L3MBTL4: variants seen among roughly 807,000 people sequenced by gnomAD.
L3MBTL4 encodes lethal(3)malignant brain tumor-like protein 4.
In L3MBTL4, 70 loss-of-function variants were observed where a neutral mutation model predicts 84.5. That is an observed-to-expected ratio of 0.83 (90% CI 0.68 to 1.01). The LOEUF (loss-of-function observed/expected upper bound fraction) is 1.01. Ranked by LOEUF, L3MBTL4 falls within the 50% of genes least tolerant of loss-of-function variation. The pLI is 0.00. For missense variants in L3MBTL4, 715 were observed against 754.8 expected, an observed-to-expected ratio of 0.95 and a Z score of 0.62; for synonymous variants, 274 against 259.8, an observed-to-expected ratio of 1.05 and a Z score of -0.52.
intron 5 of L3MBTL4, among the ~76,000 whole-genome samples, chr18:6,251,906 C>T (rs979222634): frequency 6.6e-6 from 1 of 152,132 alleles, no homozygotes; most frequent in African/African-American, 2.4e-5. Context: ...CACACGACTA[C>T]CAATTTGGAA....
At chr18:5,967,736 C>T (rs1231961424) in intron 17 of L3MBTL4, among the ~76,000 whole-genome samples, 3 of 152,200 alleles carry the variant, frequency 2.0e-5, no homozygotes, top group Non-Finnish European at 2.9e-5. Context: ...GAGCATGGAG[C>T]CCCAGGCTGC....
At chr18:6,183,273 A>G (rs1350971098) in intron 12 of L3MBTL4, among the ~76,000 whole-genome samples, 1 of 152,220 alleles carries the variant, frequency 6.6e-6, no homozygotes. Flanking sequence ...CTTCATAACC[A>G]GTGTAAAGAC....
intron 13 of L3MBTL4, among the ~76,000 whole-genome samples, chr18:6,145,509 G>A (rs1448200204): frequency 1.3e-5 from 2 of 151,336 alleles, no homozygotes; most frequent in African/African-American, 2.4e-5. Flanking sequence ...GAAGAATCAG[G>A]AGCATTCCTA....
chr18:6,290,347 G>A (rs1208146032), intron 4 of L3MBTL4, among the ~76,000 whole-genome samples: 2 of 149,848 alleles, frequency 1.3e-5, no homozygotes, highest in Non-Finnish European at 3.0e-5. Context: ...ATAATTTCCT[G>A]TGTTGCCTTT....
At chr18:6,301,497 G>T (rs1397286245) in intron 4 of L3MBTL4, among the ~76,000 whole-genome samples, 1 of 152,104 alleles carries the variant, frequency 6.6e-6, no homozygotes, top group Non-Finnish European at 1.5e-5. Context: ...TCATTTTAGA[G>T]AAAATGCACA....
At chr18:6,321,312 A>T (rs1464089847) in intron 1 of L3MBTL4, among the ~76,000 whole-genome samples, 1 of 152,228 alleles carries the variant, frequency 6.6e-6, no homozygotes, top group Non-Finnish European at 1.5e-5. Flanking sequence ...ATGGGAGAAG[A>T]TATTTGCAAA....
intron 16 of L3MBTL4, among the ~76,000 whole-genome samples, chr18:5,980,728 G>A (rs766951677): frequency 7.2e-5 from 11 of 152,088 alleles, no homozygotes; most frequent in Admixed American, 2.0e-4. Flanking sequence ...CACAGTGCCC[G>A]GCCTGTGCAC....
intron 1 of L3MBTL4, among the ~76,000 whole-genome samples, chr18:6,332,549 A>C (rs191489295): frequency 1.3e-5 from 2 of 152,346 alleles, no homozygotes; most frequent in East Asian, 3.9e-4. Context: ...AAAACCAAAG[A>C]GATTCAATTC....
intron 1 of L3MBTL4, among the ~76,000 whole-genome samples, chr18:6,374,948 C>G (rs1465665999): frequency 6.6e-6 from 1 of 152,168 alleles, no homozygotes; most frequent in East Asian, 1.9e-4. Context: ...ATTTCAGACA[C>G]AATTCGATAA....
intron 16 of L3MBTL4, among the ~76,000 whole-genome samples, chr18:6,049,831 G>A (rs756973320): frequency 5.9e-5 from 9 of 152,102 alleles, no homozygotes; most frequent in East Asian, 5.8e-4. Context: ...TAATATATCC[G>A]TATAACAAAC....
chr18:6,076,495 T>C (rs532560070), intron 16 of L3MBTL4, among the ~76,000 whole-genome samples: 2 of 152,290 alleles, frequency 1.3e-5, no homozygotes, highest in Admixed American at 1.3e-4. Context: ...ATATGTTTCT[T>C]GATCTTAGTG....
At chr18:6,152,736 A>T (rs989439361) in intron 13 of L3MBTL4, among the ~76,000 whole-genome samples, 36 of 152,292 alleles carry the variant, frequency 2.4e-4, no homozygotes, top group East Asian at 7.7e-4. Flanking sequence ...TTTGCTGTGC[A>T]GAAGCTTTAT....
chr18:6,197,714 C>T (rs879320893), intron 12 of L3MBTL4, among the ~76,000 whole-genome samples: 1 of 152,212 alleles, frequency 6.6e-6, no homozygotes, highest in Non-Finnish European at 1.5e-5. Context: ...GGGCAGCCTT[C>T]GTCTGTGTAG....
chr18:6,067,986 C>A lies in L3MBTL4; in HGVS notation c.1444+12895G>T, dbSNP rs112900054. ...TTTTTTCTTTAATTTCTTCTTTTCC[C>A]TCTTAAGGATCTGACTTTAATGTTT... On this transcript the variant is annotated intron_variant, in intron 16 of 18. Transcript: ENST00000317931. 3.9e-4 allele frequency among the ~76,000 whole-genome samples: 60 copies of A among 152,102 alleles called. 2 individuals are homozygous for A. Among genetic ancestry groups the A allele is most frequent in the African/African-American group, 1.4e-3 (60 of 41,500 alleles).
intron 1 of L3MBTL4, chr18:6,396,408 G>A (rs2055272012): frequency 2.0e-5 from 3 of 152,906 alleles, no homozygotes; most frequent in African/African-American, 7.2e-5. Context: ...GACACCCGGA[G>A]CCTCATCTGC....
At position 6,403,296 on chromosome 18, in the gene L3MBTL4, T is replaced by A. The variant is rs540668934; in HGVS notation, c.-91+11505A>T. 9.8e-5 allele frequency among the ~76,000 whole-genome samples: 15 copies of A among 152,352 alleles called. No homozygotes were observed. The East Asian group carries it at 2.5e-3, about 25-fold the overall frequency. ...AACTCTGTGTATATTAAGTAAAGGC[T>A]TTACTTTGTTTTGTGCAGAACTTTA... On this transcript the variant is annotated intron_variant, in intron 1 of 18. Coordinates refer to ENST00000317931, the MANE Select transcript of L3MBTL4 (RefSeq NM_001330559.2).
At chr18:6,391,653 C>T (rs533674334) in intron 1 of L3MBTL4, among the ~76,000 whole-genome samples, 7 of 151,788 alleles carry the variant, frequency 4.6e-5, no homozygotes, top group Middle Eastern at 3.4e-3. Flanking sequence ...ACAAAATCAA[C>T]GTACACAGAT....
At chr18:6,392,741 A>G (rs1359927681) in intron 1 of L3MBTL4, among the ~76,000 whole-genome samples, 1 of 152,240 alleles carries the variant, frequency 6.6e-6, no homozygotes, top group Admixed American at 6.5e-5. Context: ...AGAATTTATT[A>G]CTAAGACTTC....
At chr18:6,197,282 G>T (rs768150975) in intron 12 of L3MBTL4, among the ~76,000 whole-genome samples, 10 of 152,110 alleles carry the variant, frequency 6.6e-5, no homozygotes, top group Non-Finnish European at 1.3e-4. Context: ...ACCCCTGACA[G>T]GCCCCAGTGT....
Sources: allele counts gnomAD v4.1 joint callset (sites outside exome capture counted in the v4.1 genomes callset), GRCh38; gene constraint gnomAD v4.1.1; transcripts MANE v1.5; gene names NCBI Gene and HGNC (gene_info 2026-07-23, HGNC 2026-07-21).